The following TBC1D8 variants were observed in gnomAD, a reference collection of about 807,000 sequenced individuals.
TBC1D8 encodes the protein BUB2-like protein 1.
A neutral mutation model predicts 118.8 loss-of-function variants in TBC1D8; 65 were observed. That is an observed-to-expected ratio of 0.55 (90% CI 0.45 to 0.67). The LOEUF is 0.67. Ranked by LOEUF, TBC1D8 falls within the 30% of genes least tolerant of loss-of-function variation. The pLI is 0.00. For missense variants in TBC1D8, 1,376 were observed against 1,471.2 expected (o/e 0.94, Z 1.06); for synonymous variants, 566 against 595.8 (o/e 0.95, Z 0.73).
intron 6 of TBC1D8, among the ~76,000 whole-genome samples, chr2:101,039,805 T>G (rs1681266952): frequency 2.6e-5 from 4 of 152,086 alleles, no homozygotes; most frequent in African/African-American, 9.7e-5. Context: ...TTTTTTTTCC[T>G]TTCTTTTTTT....
chr2:101,018,017 C>A, intron 17 of TBC1D8: 1 of 1,333,464 alleles, frequency 7.5e-7, no homozygotes, highest in South Asian at 1.3e-5. Context: ...CAAGCATGTG[C>A]TCATTCTACA....
In TBC1D8 at chr2:101,129,672, G is replaced by A. The variant is rs939006391; in HGVS notation, c.127+21455C>T. ...TGTAATCCCAGCACTTTGGGAGGCC[G>A]AGGCAGGCAGATCACGAGGTCAGGA... On this transcript the variant is annotated intron_variant, in intron 1 of 19. Transcript: ENST00000409318. Among the ~76,000 whole-genome samples, 6 of 151,586 alleles carry A rather than the reference G, an allele frequency of 4.0e-5. No homozygotes were observed. The East Asian group carries it at 6.0e-4, about 15-fold the overall frequency.
At chr2:101,055,786 G>A (rs993613044) in intron 3 of TBC1D8, among the ~76,000 whole-genome samples, 2 of 152,132 alleles carry the variant, frequency 1.3e-5, no homozygotes, top group Non-Finnish European at 2.9e-5. Flanking sequence ...GTGAGCAGCT[G>A]TTTAGGAACT....
intron 1 of TBC1D8, among the ~76,000 whole-genome samples, chr2:101,142,713 C>T (rs949162032): frequency 6.6e-6 from 1 of 151,998 alleles, no homozygotes; most frequent in African/African-American, 2.4e-5. Context: ...CAAAAACACA[C>T]AAAACTGAAC....
intron 1 of TBC1D8, chr2:101,109,914 G>A: frequency 1.0e-6 from 1 of 985,494 alleles, no homozygotes. Flanking sequence ...CTCCAGGAAT[G>A]AGGCCCCACT....
intron 8 of TBC1D8, among the ~76,000 whole-genome samples, chr2:101,037,069 T>A (rs1474089887): frequency 6.6e-6 from 1 of 152,236 alleles, no homozygotes; most frequent in Non-Finnish European, 1.5e-5. Context: ...TACCAGACTA[T>A]ACGTGACATT....
At chr2:101,098,353 TG>T (rs1440886038) in intron 1 of TBC1D8, among the ~76,000 whole-genome samples, 2 of 150,498 alleles carry the variant, frequency 1.3e-5, no homozygotes, top group Non-Finnish European at 2.9e-5. Context: ...CTTTCCAGCC[TG>T]GGCAACAAGA....
At chr2:101,147,032 G>A (rs1173503672) in intron 1 of TBC1D8, among the ~76,000 whole-genome samples, 2 of 151,398 alleles carry the variant, frequency 1.3e-5, no homozygotes, top group South Asian at 2.1e-4. Flanking sequence ...TTGCAAATGC[G>A]CCAGGCACGG....
intron 12 of TBC1D8, 85 bp downstream of exon 12, chr2:101,029,406 A>C (rs1680537528): frequency 1.4e-6 from 2 of 1,467,102 alleles, no homozygotes; most frequent in South Asian, 1.4e-5. Context: ...AAAAAAAAAA[A>C]AAACTTCCCC....
At chr2:101,148,567 G>T (rs1310902439) in intron 1 of TBC1D8, among the ~76,000 whole-genome samples, 1 of 152,194 alleles carries the variant, frequency 6.6e-6, no homozygotes, top group Admixed American at 6.5e-5. Flanking sequence ...CAGGAGGGCC[G>T]ATTTTAATCC....
rs184987683 is a variant in TBC1D8 at position 101,099,854 on chromosome 2, A to C, written c.128-9490T>G. ...TCTCAATAAACTAGGTATTGATGGA[A>C]CATAACTCAAAATAATAAGAGCTAT... is the stretch of plus-strand genomic sequence containing the variant. On this transcript the variant is annotated intron_variant, in intron 1 of 19. Transcript: ENST00000409318. Among the ~76,000 whole-genome samples, 259 of 152,326 alleles carry C rather than the reference A, an allele frequency of 1.7e-3. 3 individuals are homozygous for C. Among genetic ancestry groups the C allele is most frequent in the East Asian group, 3.7e-3 (19 of 5,188 alleles).
intron 1 of TBC1D8, among the ~76,000 whole-genome samples, chr2:101,118,367 C>G (rs1385907105): frequency 6.6e-6 from 1 of 152,192 alleles, no homozygotes; most frequent in Non-Finnish European, 1.5e-5. Context: ...TCCCTGTTGG[C>G]TGACAATATG....
intron 1 of TBC1D8, among the ~76,000 whole-genome samples, chr2:101,144,881 T>C (rs981219058): frequency 6.6e-6 from 1 of 152,172 alleles, no homozygotes; most frequent in Non-Finnish European, 1.5e-5. Flanking sequence ...GAGGTTGCAG[T>C]GAGCCAAGAT....
intron 1 of TBC1D8, among the ~76,000 whole-genome samples, chr2:101,100,575 AC>A (rs1289477527): frequency 1.3e-5 from 2 of 152,178 alleles, no homozygotes; most frequent in Non-Finnish European, 2.9e-5. Flanking sequence ...AACAAAAAGA[AC>A]AAAGCTGAAA....
intron 2 of TBC1D8, among the ~76,000 whole-genome samples, chr2:101,073,300 AT>A (rs34252571): frequency 7.0e-6 from 1 of 143,648 alleles, no homozygotes. Context: ...TATTTTATTT[AT>A]TTTTTTTTTT....
At chr2:101,092,343 C>A (rs1676092456) in intron 1 of TBC1D8, among the ~76,000 whole-genome samples, 1 of 152,182 alleles carries the variant, frequency 6.6e-6, no homozygotes, top group Admixed American at 6.5e-5. Flanking sequence ...TATCAGGTGG[C>A]AGATGACCTC....
chr2:101,069,720 T>C (rs929186657), intron 2 of TBC1D8, among the ~76,000 whole-genome samples: 5 of 152,310 alleles, frequency 3.3e-5, no homozygotes, highest in South Asian at 2.1e-4. Context: ...AGAACTTGTA[T>C]TGTGAATTTA....
chr2:101,144,571 T>C (rs1280257475), intron 1 of TBC1D8, among the ~76,000 whole-genome samples: 1 of 152,196 alleles, frequency 6.6e-6, no homozygotes, highest in South Asian at 2.1e-4. Context: ...TTTAATACCA[T>C]TGATGTAAGT....
chr2:101,110,074 G>T, intron 1 of TBC1D8: 1 of 946,876 alleles, frequency 1.1e-6, no homozygotes, highest in Non-Finnish European at 1.3e-6. Flanking sequence ...AACTCTGGCT[G>T]AGATAGATGT....
Sources: gnomAD v4.1 joint callset for allele counts (sites outside exome capture counted in the v4.1 genomes callset) on GRCh38, gnomAD v4.1.1 for gene constraint, MANE v1.5 for transcripts, NCBI Gene and HGNC (gene_info 2026-07-23, HGNC 2026-07-21) for gene names.